Variants in RPGRIP1 observed in about 807,000 individuals in gnomAD.
RPGRIP1 encodes the protein X-linked retinitis pigmentosa GTPase regulator-interacting protein 1.
In RPGRIP1, 128 loss-of-function variants were observed where a neutral mutation model predicts 157.9. The observed-to-expected ratio is 0.81, with a 90% CI of 0.70 to 0.94. The LOEUF is 0.94. Ranked by LOEUF, RPGRIP1 falls within the 40% of genes least tolerant of loss-of-function variation. RPGRIP1 has a pLI of 0.00. For missense variants in RPGRIP1, 1,486 were observed against 1,545.8 expected (o/e 0.96, Z 0.65); for synonymous variants, 554 against 571.6 (o/e 0.97, Z 0.44).
Position 21,330,391 on chromosome 14 carries a change from T to C in RPGRIP1, c.3238+4T>C, listed in dbSNP as rs748207531. 14 of 1,495,410 alleles carry C rather than the reference T, an allele frequency of 9.4e-6. No homozygotes were observed. In the South Asian group the frequency reaches 2.0e-4, roughly 21 times the overall value. 92.6% of individuals were successfully genotyped at this position (1,495,410 alleles called of 1,614,324 possible). A position where few individuals can be genotyped will look rare whatever the true frequency, so the allele number is the denominator to read the frequency against. ...GAACCTCTACATCCTGTAAATGGTA[T>C]TGTCTTTTAAAATCTATTTTTTTTC... On this transcript the variant is annotated splice_donor_region_variant and intron_variant, in intron 20 of 24. Transcript: ENST00000400017.
At chr14:21,307,927 C>T (rs1456273849) in intron 7 of RPGRIP1, 91 bp downstream of exon 7, 2 of 700,842 alleles carry the variant, frequency 2.9e-6, no homozygotes, top group Non-Finnish European at 4.8e-6. Context: ...ATATGAGAAG[C>T]CACAATTCAG....
chr14:21,312,660 G>A (rs535327150), intron 10 of RPGRIP1, among the ~76,000 whole-genome samples, 154 bp downstream of exon 10: 1 of 151,432 alleles, frequency 6.6e-6, no homozygotes, highest in African/African-American at 2.4e-5. Context: ...AAGGGAATTT[G>A]ACACTATTAA....
chr14:21,292,543 T>TA (rs1247291023), intron 2 of RPGRIP1, among the ~76,000 whole-genome samples: 3 of 151,446 alleles, frequency 2.0e-5, no homozygotes, highest in African/African-American at 4.9e-5. Context: ...CTTGTCACTA[T>TA]AAAAAATTTA....
rs1881000292 is a variant in RPGRIP1, at chr14:21,300,987, G to A, written c.240G>A (p.Arg80=). 1.9e-6 allele frequency: 3 copies of A among 1,612,838 alleles called. No individual in the cohort carries two copies. The highest frequency in any genetic ancestry group is 1.7e-5 in the Admixed American group (1 of 59,948). The change falls in exon 4 of 25, where the codon CGG becomes CGA. Residue 80 remains arginine (R), a synonymous_variant. Coordinates refer to ENST00000400017, the MANE Select transcript of RPGRIP1 (RefSeq NM_020366.4). ...EIKRLRTTLL[R]LTAAGRDLRV... ...ACAGGCTGAGGACCACCTTGCTGCG[G>A]TTGACCGCTGCTGGCCGGGACCTGC...
At chr14:21,294,378 G>A (rs748081014) in intron 2 of RPGRIP1, among the ~76,000 whole-genome samples, 1 of 151,522 alleles carries the variant, frequency 6.6e-6, no homozygotes. Flanking sequence ...TTACAGGCAC[G>A]TGCCACCACG....
intron 17 of RPGRIP1, among the ~76,000 whole-genome samples, chr14:21,326,623 G>T (rs907743555): frequency 6.6e-6 from 1 of 152,034 alleles, no homozygotes; most frequent in Non-Finnish European, 1.5e-5. Flanking sequence ...TCCCACCTGA[G>T]CCTCCCAAAG....
At position 21,325,274 on chromosome 14, in the gene RPGRIP1, G is replaced by A; in HGVS notation, c.2258G>A (p.Arg753Lys). The change falls in exon 16 of 25, where the codon AGG (arginine) becomes AAG (lysine). Residue 753 changes from arginine (R) to lysine (K), a missense_variant. By Grantham distance (26) the Arg-to-Lys change is conservative (BLOSUM62 2). Transcript: ENST00000400017. ...TTCGGGGTTCTAGAGTACTGGATGA[G>A]GCTGCGTTTCCCCATAAAACCCAGC... is the stretch of plus-strand genomic sequence containing the variant. ...EEFGVLEYWMRLRFPIKPSLQ... is the reference protein window; with the variant it reads ...EEFGVLEYWMKLRFPIKPSLQ... The A allele has an allele frequency of 6.2e-7, 1 of 1,613,676 alleles. No homozygotes were observed. Among genetic ancestry groups the A allele is most frequent in the Non-Finnish European group, 8.5e-7 (1 of 1,179,778 alleles).
chr14:21,345,538 G>A (rs956991509), intron 23 of RPGRIP1, among the ~76,000 whole-genome samples: 23 of 149,418 alleles, frequency 1.5e-4, no homozygotes, highest in African/African-American at 5.1e-4. Flanking sequence ...AAGTAGCTAG[G>A]GTTATAGGCA....
intron 21 of RPGRIP1, among the ~76,000 whole-genome samples, chr14:21,339,979 A>G (rs1048902558): frequency 1.3e-5 from 2 of 152,208 alleles, no homozygotes; most frequent in Non-Finnish European, 2.9e-5. Flanking sequence ...TATAATAGCA[A>G]TGCGAGGAGT....
rs998825562 is a variant in RPGRIP1, at chr14:21,349,559, C to T, written c.3748+1257C>T. ...CTGGGATTACAGGCATGAACCACCACGCCCAGCTAATTTTGTATATTTAGT... is the reference window on the plus strand; with the variant it reads ...CTGGGATTACAGGCATGAACCACCATGCCCAGCTAATTTTGTATATTTAGT... On this transcript the variant is annotated intron_variant, in intron 24 of 24. Transcript: ENST00000400017. Among the ~76,000 whole-genome samples, 8 of 151,808 alleles carry T rather than the reference C, an allele frequency of 5.3e-5. No individual in the cohort carries two copies. The East Asian group carries it at 5.8e-4, about 11-fold the overall frequency.
At position 21,294,710 on chromosome 14, in the gene RPGRIP1, G is replaced by C; in HGVS notation, c.119G>C (p.Arg40Thr). The C allele has an allele frequency of 6.2e-7, 1 of 1,613,590 alleles. No homozygotes were observed. The highest frequency in any genetic ancestry group is 8.5e-7 in the Non-Finnish European group (1 of 1,179,716). Residue 40 changes from arginine (R) to threonine (T), a missense_variant, in exon 3 of 25, where the codon AGG becomes ACG. Physicochemically the swap from Arg to Thr is moderately conservative, Grantham distance 71 (BLOSUM62 -1). Coordinates refer to ENST00000400017, the MANE Select transcript of RPGRIP1 (RefSeq NM_020366.4). ...ATGAAAACTCAACCACCCTTGAGCA[G>C]GATGAACCGGGAGGAATTGGAGGAC... ...KNMKTQPPLS[R>T]MNREELEDSF...
intron 3 of RPGRIP1, among the ~76,000 whole-genome samples, chr14:21,298,712 C>T (rs1880897351): frequency 6.6e-6 from 1 of 151,634 alleles, no homozygotes; most frequent in African/African-American, 2.4e-5. Flanking sequence ...GAAGCCAAGG[C>T]GGGTAGATCA....
rs1343685198 is a variant in RPGRIP1 at position 21,311,835 on chromosome 14, C to T, written c.942C>T (p.Ile314=). The change falls in exon 9 of 25, where the codon ATC becomes ATT. Residue 314 remains isoleucine (I), a synonymous_variant. Coordinates refer to ENST00000400017, the MANE Select transcript of RPGRIP1 (RefSeq NM_020366.4). ...YETLLQKNQG[I]LSAAHEALLK... is the part of the protein sequence containing the mutation. Reference sequence around the variant, plus strand: ...TCCTTTTGACCCAGAATCAGGGAATCCTGAGTGCAGCCCATGAGGCCCTCC... The same window carrying T: ...TCCTTTTGACCCAGAATCAGGGAATTCTGAGTGCAGCCCATGAGGCCCTCC... 1 of 1,603,830 alleles carries T rather than the reference C, an allele frequency of 6.2e-7. No individual in the cohort carries two copies. The highest frequency in any genetic ancestry group is 8.5e-7 in the Non-Finnish European group (1 of 1,176,564).
In RPGRIP1 at chr14:21,322,002, C is replaced by A; in HGVS notation, c.1760C>A (p.Ser587Tyr). 1 of 1,611,880 alleles carries A rather than the reference C, an allele frequency of 6.2e-7. No individual in the cohort carries two copies. Among genetic ancestry groups the A allele is most frequent in the Non-Finnish European group, 8.5e-7 (1 of 1,179,072 alleles). The change falls in exon 14 of 25, where the codon TCT becomes TAT. Residue 587 changes from serine (S) to tyrosine (Y), a missense_variant and splice_region_variant. Physicochemically the swap from Ser to Tyr is moderately radical, Grantham distance 144 (BLOSUM62 -2). Coordinates refer to ENST00000400017, the MANE Select transcript of RPGRIP1 (RefSeq NM_020366.4). Reference protein sequence around the residue: ...GILRSHDLPTSEQLKDVAYGT... With the variant: ...GILRSHDLPTYEQLKDVAYGT... ...TTAAGAAGCCATGACCTTCCAACAT[C>A]TGGCAAGTCTTAGTCCTTTGTTCTC...
chr14:21,335,085 T>C (rs1884203001), intron 21 of RPGRIP1, among the ~76,000 whole-genome samples: 1 of 144,308 alleles, frequency 6.9e-6, no homozygotes, highest in South Asian at 2.2e-4. Flanking sequence ...ATAATGACAG[T>C]GTGCTTAGTG....
intron 9 of RPGRIP1, 101 bp from the exon 10 acceptor site, chr14:21,312,332 G>A: frequency 1.4e-6 from 1 of 726,254 alleles, no homozygotes. Flanking sequence ...GATGGTGATA[G>A]AAAGCCTCTC....
intron 21 of RPGRIP1, among the ~76,000 whole-genome samples, chr14:21,339,432 G>A (rs953395004): frequency 5.3e-5 from 8 of 152,180 alleles, no homozygotes; most frequent in Middle Eastern, 3.4e-3. Context: ...GTGACAGAGC[G>A]AAACTCGGTC....
rs577292670 is a variant in RPGRIP1, at chr14:21,303,644, G to A, written c.800+101G>A. ...CCATCTCAGAGGAAAAGAGTGTTTG[G>A]GATTAAATTCAATCGGAGTAGTAGA... On this transcript the variant is annotated intron_variant, in intron 6 of 24. Coordinates refer to ENST00000400017, the MANE Select transcript of RPGRIP1 (RefSeq NM_020366.4). 99 of 913,574 alleles carry A rather than the reference G, an allele frequency of 1.1e-4. No homozygotes were observed. The East Asian group carries it at 2.5e-3, about 23-fold the overall frequency. 56.6% of individuals were successfully genotyped at this position (913,574 alleles called of 1,614,324 possible). A position where few individuals can be genotyped will look rare whatever the true frequency, so the allele number is the denominator to read the frequency against.
At chr14:21,314,738 G>A (rs1302337129) in intron 10 of RPGRIP1, among the ~76,000 whole-genome samples, 3 of 151,528 alleles carry the variant, frequency 2.0e-5, no homozygotes, top group Admixed American at 6.6e-5. Flanking sequence ...AAATAGCCGG[G>A]CAGCTGGGCG....
Sources: allele counts gnomAD v4.1 joint callset (sites outside exome capture counted in the v4.1 genomes callset), GRCh38; gene constraint gnomAD v4.1.1; transcripts MANE v1.5; gene names NCBI Gene and HGNC (gene_info 2026-07-23, HGNC 2026-07-21).